The following ZNF821 variants were observed in gnomAD, a reference collection of about 807,000 sequenced individuals.
ZNF821 encodes zinc finger protein 821.
In ZNF821, 16 loss-of-function variants were observed where a neutral mutation model predicts 44.3. The observed-to-expected ratio is 0.36, with a 90% CI of 0.24 to 0.55. The LOEUF (loss-of-function observed/expected upper bound fraction) is 0.55, where lower values mean the gene tolerates loss of function less well. ZNF821 is among the 20% of genes least tolerant of loss of function. The probability of loss-of-function intolerance (pLI) is 0.86; values close to 1 mark genes in which losing one functional copy is unlikely to be tolerated. For synonymous variants in ZNF821, 204 were observed against 197.6 expected (o/e 1.03, Z -0.27); for missense variants, 436 against 547.6 (o/e 0.80, Z 2.03).
chr16:71,887,202 T>A (rs1280575533), upstream of ZNF821, among the ~76,000 whole-genome samples: 1 of 151,984 alleles, frequency 6.6e-6, no homozygotes, highest in Non-Finnish European at 1.5e-5. Flanking sequence ...TGGACATGGG[T>A]GCATACATAT....
intron 5 of ZNF821, 39 bp from the exon 6 acceptor site, chr16:71,864,281 A>C (rs2034275036): frequency 6.4e-7 from 1 of 1,564,114 alleles, no homozygotes; most frequent in Non-Finnish European, 8.8e-7. Flanking sequence ...AGGACTCTTT[A>C]CTCATCTCTT....
At chr16:71,885,625 C>T (rs1033570684), upstream of ZNF821, among the ~76,000 whole-genome samples, 1 of 152,148 alleles carries the variant, frequency 6.6e-6, no homozygotes, top group African/African-American at 2.4e-5. Context: ...ATTGTCTTTC[C>T]CCTAAATCTT....
At chr16:71,862,050 A>G in intron 6 of ZNF821, 108 bp from the exon 7 acceptor site, 1 of 1,305,148 alleles carries the variant, frequency 7.7e-7, no homozygotes, top group Non-Finnish European at 1.1e-6. Context: ...TCTCAGAATA[A>G]GGAACTTCCA....
rs2033805632 is a variant in ZNF821, at chr16:71,860,981, G to A, written c.585-309C>T. ...AGCCATTCTCCTGCCTCAGCCTCCT[G>A]AGTAGCTGGGATTACAGGCGCACGC... is the stretch of plus-strand genomic sequence containing the variant. On this transcript the variant is annotated intron_variant, in intron 7 of 7. Coordinates refer to ENST00000425432, the MANE Select transcript of ZNF821 (RefSeq NM_001201552.2). The surrounding 1 kb of genome is among the most constrained non-coding windows in gnomAD (Gnocchi z 7.3). Among the ~76,000 whole-genome samples the A allele has an allele frequency of 6.6e-6, 1 of 151,598 alleles. No individual in the cohort carries two copies. Among genetic ancestry groups the A allele is most frequent in the African/African-American group, 2.4e-5 (1 of 41,252 alleles).
rs773236320 is a variant in ZNF821 at position 71,864,254 on chromosome 16, C to G, written c.313-12G>C. 19 of 1,611,122 alleles carry G rather than the reference C, an allele frequency of 1.2e-5. No homozygotes were observed. The highest frequency in any genetic ancestry group is 1.6e-5 in the Non-Finnish European group (19 of 1,177,346). On this transcript the variant is annotated splice_polypyrimidine_tract_variant and intron_variant, in intron 5 of 7. Coordinates refer to ENST00000425432, the MANE Select transcript of ZNF821 (RefSeq NM_001201552.2). ...AAATTCCCTGTGACCTGTGATTCAA[C>G]AAATAGGCAACTCATTAGGACTCTT...
chr16:71,864,862 G>T (rs780808448), intron 5 of ZNF821, 41 bp downstream of exon 5: 2 of 1,611,554 alleles, frequency 1.2e-6, no homozygotes, highest in Non-Finnish European at 1.7e-6. Flanking sequence ...CAGAAGGGTA[G>T]GGCATTGCTG....
At chr16:71,894,718 T>G (rs1027186891) in intron 1 of ZNF821, 2 of 567,510 alleles carry the variant, frequency 3.5e-6, no homozygotes, top group African/African-American at 2.0e-5. Flanking sequence ...TTTTTTTTTG[T>G]AGCGATGCGG....
chr16:71,890,949 A>AT (rs1353739651), intron 1 of ZNF821, among the ~76,000 whole-genome samples: 2 of 148,872 alleles, frequency 1.3e-5, no homozygotes, highest in Admixed American at 6.7e-5. Context: ...TTTTTTTTGT[A>AT]TTTTTTAGCG....
chr16:71,893,149 C>G (rs959136457), intron 1 of ZNF821, among the ~76,000 whole-genome samples: 5 of 150,680 alleles, frequency 3.3e-5, no homozygotes, highest in Admixed American at 2.0e-4. Context: ...CTCAGCCTCC[C>G]GAGTAGCTGG....
At chr16:71,894,476 C>T (rs2036925583) in intron 1 of ZNF821, 3 of 191,040 alleles carry the variant, frequency 1.6e-5, no homozygotes, top group Non-Finnish European at 3.3e-5. Context: ...GAATTACCGA[C>T]TTCAGGTGAT....
intron 3 of ZNF821, among the ~76,000 whole-genome samples, chr16:71,878,412 C>T (rs925013675): frequency 3.3e-5 from 5 of 151,858 alleles, no homozygotes; most frequent in African/African-American, 7.3e-5. Flanking sequence ...CCACCGCGCC[C>T]GGCCACTATT....
chr16:71,882,617 T>C (rs916581260), intron 2 of ZNF821, among the ~76,000 whole-genome samples: 4 of 152,334 alleles, frequency 2.6e-5, no homozygotes, highest in South Asian at 2.1e-4. Flanking sequence ...TGGTACCCAA[T>C]GGGACTTCAC....
rs112557220 is a variant in ZNF821 at position 71,877,461 on chromosome 16, T to C, written c.40+2446A>G. ...TTTTTGAAAAAACGGGGTTTTGCCA[T>C]GTTGCTCAGGCTGGTCTCGAACTCT... is the stretch of plus-strand genomic sequence containing the variant. On this transcript the variant is annotated intron_variant, in intron 3 of 7. Transcript: ENST00000425432. 1.9e-3 allele frequency among the ~76,000 whole-genome samples: 286 copies of C among 152,210 alleles called. 2 individuals are homozygous for C. The highest frequency in any genetic ancestry group is 6.4e-3 in the African/African-American group (265 of 41,544).
chr16:71,890,003 C>T (rs2142501308), intron 1 of ZNF821, among the ~76,000 whole-genome samples: 1 of 152,288 alleles, frequency 6.6e-6, no homozygotes, highest in Admixed American at 6.5e-5. Context: ...TTTTGACCTG[C>T]AGCTGCTTCA....
chr16:71,863,939 C>T (rs981132915), intron 6 of ZNF821, among the ~76,000 whole-genome samples, 199 bp downstream of exon 6: 2 of 152,218 alleles, frequency 1.3e-5, no homozygotes, highest in African/African-American at 4.8e-5. Flanking sequence ...TTCAAGTGAT[C>T]TACCCGCCTC....
intron 4 of ZNF821, among the ~76,000 whole-genome samples, chr16:71,867,513 C>A (rs1198268095): frequency 1.3e-5 from 2 of 151,974 alleles, no homozygotes; most frequent in Non-Finnish European, 2.9e-5. Flanking sequence ...ATGGAGAAAC[C>A]CCGTCTCTAC....
At position 71,869,016 on chromosome 16, in the gene ZNF821, T is replaced by C. The variant is rs535704147; in HGVS notation, c.41-979A>G. 7.9e-5 allele frequency among the ~76,000 whole-genome samples: 12 copies of C among 152,266 alleles called. No homozygotes were observed. The South Asian group carries it at 2.5e-3, about 32-fold the overall frequency. On this transcript the variant is annotated intron_variant, in intron 3 of 7. Coordinates refer to ENST00000425432, the MANE Select transcript of ZNF821 (RefSeq NM_001201552.2). ...CAAGGCCCCAGGCCTATCCTTGATTTTGCATTTACTTCTCATGAACTCTGC... is the reference window on the plus strand; with the variant it reads ...CAAGGCCCCAGGCCTATCCTTGATTCTGCATTTACTTCTCATGAACTCTGC...
At chr16:71,882,710 A>G (rs1253286639) in intron 2 of ZNF821, among the ~76,000 whole-genome samples, 1 of 152,132 alleles carries the variant, frequency 6.6e-6, no homozygotes, top group African/African-American at 2.4e-5. Context: ...ACACCCACAA[A>G]AACAGGCCTG....
At chr16:71,864,764 G>C (rs2034340039) in intron 5 of ZNF821, 139 bp downstream of exon 5, 2 of 1,039,042 alleles carry the variant, frequency 1.9e-6, no homozygotes, top group Non-Finnish European at 2.8e-6. Flanking sequence ...GTGGGTTCTG[G>C]TGCCATGAAG....
Sources: allele counts gnomAD v4.1 joint callset (sites outside exome capture counted in the v4.1 genomes callset), GRCh38; gene constraint gnomAD v4.1.1; non-coding constraint Gnocchi (gnomAD v3.1); transcripts MANE v1.5; gene names NCBI Gene and HGNC (gene_info 2026-07-23, HGNC 2026-07-21).